The following IGF1 variants were observed in gnomAD, a reference collection of about 807,000 sequenced individuals.
IGF1 encodes insulin like growth factor 1.
Under a neutral mutation model 13.8 loss-of-function variants are expected in IGF1, and 4 were observed. That is an observed-to-expected ratio of 0.29 (90% CI 0.14 to 0.66). The LOEUF (loss-of-function observed/expected upper bound fraction) is 0.66. Among genes scored for constraint, IGF1 ranks in the 30% least tolerant of loss-of-function variants. IGF1 has a pLI of 0.78. For synonymous variants in IGF1, 76 were observed against 72.6 expected (o/e 1.05, Z -0.23); for missense variants, 124 against 188.5 (o/e 0.66, Z 2.00).
rs77924701 is a variant in IGF1 at position 102,426,413 on chromosome 12, T to A, written c.221-6723A>T. On this transcript the variant is annotated intron_variant, in intron 2 of 3. Coordinates refer to ENST00000337514, the MANE Select transcript of IGF1 (RefSeq NM_000618.5). ...TATTATGGTGTTGAATTGGTTAACA[T>A]AGCTAGTTGGGCAGGTATCCTCTTC... is the stretch of plus-strand genomic sequence containing the variant. 5.1e-4 allele frequency among the ~76,000 whole-genome samples: 77 copies of A among 152,348 alleles called. No homozygotes were observed. The East Asian group carries it at 0.014, about 27-fold the overall frequency.
At position 102,402,273 on chromosome 12, in the gene IGF1, T is replaced by C; in HGVS notation, c.*234A>G. On this transcript the variant is annotated 3_prime_UTR_variant, in exon 4 of 4. Transcript: ENST00000337514. The stretch of plus-strand genomic sequence containing the variant: ...TTTTTTTCTTTTCTATAGAACATTA[T>C]TGATAAAAGATCAACAGCAATCTAC... 2.1e-6 allele frequency: 1 copy of C among 465,906 alleles called. No individual in the cohort carries two copies. The highest frequency in any genetic ancestry group is 3.9e-6 in the Non-Finnish European group (1 of 259,710). 28.9% of individuals were successfully genotyped at this position (465,906 alleles called of 1,614,324 possible).
chr12:102,447,027 G>T (rs1878405994), intron 2 of IGF1, among the ~76,000 whole-genome samples: 1 of 152,118 alleles, frequency 6.6e-6, no homozygotes, highest in African/African-American at 2.4e-5. Context: ...CCATGTACTT[G>T]TGCAGTTTTG....
chr12:102,480,569 T>C (rs1881341499), upstream of IGF1: 1 of 1,440,662 alleles, frequency 6.9e-7, no homozygotes, highest in Admixed American at 2.5e-5. Flanking sequence ...AGAAGAGGGA[T>C]TTAGAGAAAA....
At chr12:102,447,924 G>T (rs1219836842) in intron 2 of IGF1, among the ~76,000 whole-genome samples, 1 of 152,164 alleles carries the variant, frequency 6.6e-6, no homozygotes, top group Non-Finnish European at 1.5e-5. Context: ...TGACAAATGG[G>T]ATGTAATTGA....
At chr12:102,409,374 T>C (rs184909013) in intron 3 of IGF1, among the ~76,000 whole-genome samples, 1 of 152,208 alleles carries the variant, frequency 6.6e-6, no homozygotes. Context: ...AGGTAGCATA[T>C]TTCCTTCACT....
chr12:102,429,204 A>G (rs1391849283), intron 2 of IGF1, among the ~76,000 whole-genome samples: 1 of 152,146 alleles, frequency 6.6e-6, no homozygotes. Flanking sequence ...GGAATTTCAG[A>G]TAAAATCTGG....
At chr12:102,451,141 AC>A (rs1878880167) in intron 2 of IGF1, among the ~76,000 whole-genome samples, 1 of 152,336 alleles carries the variant, frequency 6.6e-6, no homozygotes, top group South Asian at 2.1e-4. Flanking sequence ...ATGGTTCTGC[AC>A]ACCTAGTGTA....
At chr12:102,469,213 T>C (rs1880536379) in intron 2 of IGF1, among the ~76,000 whole-genome samples, 3 of 152,210 alleles carry the variant, frequency 2.0e-5, no homozygotes. Flanking sequence ...TGGATTATGG[T>C]GTCTGTGACC....
chr12:102,431,277 G>A (rs1201403852), intron 2 of IGF1, among the ~76,000 whole-genome samples: 2 of 152,182 alleles, frequency 1.3e-5, no homozygotes, highest in African/African-American at 4.8e-5. Flanking sequence ...AAACTTAGAG[G>A]ATACTAATTA....
rs535850025 is a variant in IGF1, at chr12:102,399,058, T to G, written c.*3449A>C. ...TTGTTTGTTTGTTTTTTAATAAAAT[T>G]TTCAAGGAAGTGATTTCTTTTCAGT... On this transcript the variant is annotated 3_prime_UTR_variant, in exon 4 of 4. Coordinates refer to ENST00000337514, the MANE Select transcript of IGF1 (RefSeq NM_000618.5). 1.3e-5 allele frequency: 2 copies of G among 152,428 alleles called. No homozygotes were observed. The highest frequency in any genetic ancestry group is 4.2e-4 in the South Asian group (2 of 4,814). The allele number at this position is 152,428 out of a possible 1,614,324, so 9.4% of individuals were successfully genotyped here.
At chr12:102,458,584 G>T (rs1185664032) in intron 2 of IGF1, among the ~76,000 whole-genome samples, 1 of 152,018 alleles carries the variant, frequency 6.6e-6, no homozygotes, top group African/African-American at 2.4e-5. Context: ...GGCCTGTAAG[G>T]CCACATAAAA....
chr12:102,397,661 A>C lies in IGF1; in HGVS notation c.*4846T>G, dbSNP rs556494579. 2.0e-5 allele frequency: 3 copies of C among 152,246 alleles called. No individual in the cohort carries two copies. The highest frequency in any genetic ancestry group is 7.2e-5 in the African/African-American group (3 of 41,468). The allele number at this position is 152,246 out of a possible 1,614,324, so 9.4% of individuals were successfully genotyped here. On this transcript the variant is annotated 3_prime_UTR_variant, in exon 4 of 4. Coordinates refer to ENST00000337514, the MANE Select transcript of IGF1 (RefSeq NM_000618.5). ...AAAACAAAATCCAAAACCAAGAATC[A>C]ACAACATTTTCCTTTTGTTGTTGCC...
chr12:102,459,648 A>G (rs542031699), intron 2 of IGF1, among the ~76,000 whole-genome samples: 223 of 152,256 alleles, frequency 1.5e-3, no homozygotes, highest in Non-Finnish European at 2.7e-3. Context: ...CTGCTTTACA[A>G]GGTCACCGGC....
intron 2 of IGF1, among the ~76,000 whole-genome samples, chr12:102,456,269 T>C (rs977339931): frequency 3.4e-5 from 5 of 144,988 alleles, no homozygotes; most frequent in South Asian, 4.4e-4. Flanking sequence ...TGTGTGTGTA[T>C]TGTCTAATCT....
intron 1 of IGF1, among the ~76,000 whole-genome samples, chr12:102,477,478 C>A (rs978967510): frequency 5.9e-5 from 9 of 151,780 alleles, no homozygotes; most frequent in Admixed American, 5.9e-4. Flanking sequence ...AAATCTTCCA[C>A]CCCCTACATA....
At chr12:102,444,251 T>G (rs1012668727) in intron 2 of IGF1, among the ~76,000 whole-genome samples, 3 of 151,820 alleles carry the variant, frequency 2.0e-5, no homozygotes, top group African/African-American at 7.3e-5. Context: ...CAATTTCCTT[T>G]TTTTTTTTTC....
intron 2 of IGF1, among the ~76,000 whole-genome samples, chr12:102,442,523 A>G (rs1048077031): frequency 1.3e-5 from 2 of 152,092 alleles, no homozygotes; most frequent in East Asian, 3.8e-4. Flanking sequence ...TGCTCTTTGC[A>G]TTTTAAAAAC....
intron 2 of IGF1, among the ~76,000 whole-genome samples, chr12:102,473,165 A>G (rs926964832): frequency 2.0e-5 from 3 of 152,214 alleles, no homozygotes; most frequent in African/African-American, 7.2e-5. Flanking sequence ...CAAGAAGCCC[A>G]TTGACAGGGT....
At chr12:102,473,074 CA>C (rs1283775323) in intron 2 of IGF1, among the ~76,000 whole-genome samples, 1 of 152,132 alleles carries the variant, frequency 6.6e-6, no homozygotes, top group Non-Finnish European at 1.5e-5. Context: ...GTTCAACAAT[CA>C]AATATGGGCA....
Sources: gnomAD v4.1 joint callset for allele counts (sites outside exome capture counted in the v4.1 genomes callset) on GRCh38, gnomAD v4.1.1 for gene constraint, MANE v1.5 for transcripts, NCBI Gene and HGNC (gene_info 2026-07-23, HGNC 2026-07-21) for gene names.